Variants in GARRE1 observed in about 807,000 individuals in gnomAD.
The protein encoded by GARRE1 is granule associated Rac and RHOG effector 1, also known as granule associated Rac and RHOG effector protein 1.
Under a neutral mutation model 103.2 loss-of-function variants are expected in GARRE1, and 49 were observed. The observed-to-expected ratio is 0.47, with a 90% CI of 0.38 to 0.60. GARRE1 has a LOEUF of 0.60. Ranked by LOEUF, GARRE1 falls within the 20% of genes least tolerant of loss-of-function variation. The pLI is 0.00. For synonymous variants in GARRE1, 505 were observed against 532.8 expected, an observed-to-expected ratio of 0.95 and a Z score of 0.72; for missense variants, 1,199 against 1,370.5, an observed-to-expected ratio of 0.87 and a Z score of 1.98.
chr19:34,276,872 T>G (rs2073820278), intron 1 of GARRE1, among the ~76,000 whole-genome samples: 1 of 151,946 alleles, frequency 6.6e-6, no homozygotes, highest in Non-Finnish European at 1.5e-5. Flanking sequence ...ATTGCTGTCT[T>G]TAGGAGCTTA....
chr19:34,335,454 A>G (rs2074156475), intron 8 of GARRE1, among the ~76,000 whole-genome samples: 2 of 152,254 alleles, frequency 1.3e-5, no homozygotes. Flanking sequence ...ATACTAAGGA[A>G]CAAAGAGGTG....
chr19:34,268,843 G>GT lies in GARRE1; in HGVS notation c.-796+14232dup, dbSNP rs1340569017. Among the ~76,000 whole-genome samples the GT allele has an allele frequency of 2.0e-5, 3 of 151,986 alleles. No homozygotes were observed. The East Asian group carries it at 5.8e-4, about 29-fold the overall frequency. On this transcript the variant is annotated intron_variant, in intron 1 of 13. Coordinates refer to ENST00000299505, the MANE Select transcript of GARRE1 (RefSeq NM_014686.5). The stretch of plus-strand genomic sequence containing the variant: ...ATTGAATATGTGGTGATTACTACCC[G>GT]TTTCATTTACTTTTTTACTTATTAA...
chr19:34,339,547 A>G (rs370424743), intron 8 of GARRE1, among the ~76,000 whole-genome samples: 35 of 152,314 alleles, frequency 2.3e-4, no homozygotes, highest in Middle Eastern at 3.4e-3. Flanking sequence ...TCATCATATA[A>G]GCAAGTCATC....
chr19:34,305,108 G>A (rs923532719), intron 2 of GARRE1, among the ~76,000 whole-genome samples: 22 of 152,150 alleles, frequency 1.4e-4, no homozygotes, highest in Admixed American at 1.4e-3. Context: ...TCATAATTTT[G>A]TTTAAAAATT....
At chr19:34,298,707 C>CA (rs1001871214) in intron 1 of GARRE1, among the ~76,000 whole-genome samples, 19 of 148,998 alleles carry the variant, frequency 1.3e-4, no homozygotes, top group South Asian at 2.2e-4. Flanking sequence ...GACTCCATCT[C>CA]AAAAAAAATA....
At chr19:34,340,813 CA>C (rs1053352893) in intron 9 of GARRE1, among the ~76,000 whole-genome samples, 2 of 152,190 alleles carry the variant, frequency 1.3e-5, no homozygotes, top group Non-Finnish European at 2.9e-5. Flanking sequence ...CCACCATGCC[CA>C]ACCTTTTCTC....
chr19:34,328,087 G>A lies in GARRE1; in HGVS notation c.1040G>A (p.Gly347Glu). The change falls in exon 6 of 14, where the codon GGA becomes GAA. Residue 347 changes from glycine (G) to glutamate (E), a missense_variant. Physicochemically the swap from Gly to Glu is moderately conservative, Grantham distance 98. Transcript: ENST00000299505. ...CELPTVPVQI[G>E]SHFLKGVSFN... ...CTCCCCACCGTCCCTGTGCAGATAG[G>A]ATCGCACTTCCTGAAGGGCGTCTCC... 2 of 1,614,186 alleles carry A rather than the reference G, an allele frequency of 1.2e-6. No homozygotes were observed. Among genetic ancestry groups the A allele is most frequent in the Non-Finnish European group, 8.5e-7 (1 of 1,180,036 alleles).
At chr19:34,292,728 C>A (rs1356915169) in intron 1 of GARRE1, among the ~76,000 whole-genome samples, 2 of 144,012 alleles carry the variant, frequency 1.4e-5, no homozygotes, top group African/African-American at 5.2e-5. Context: ...GCATGTGCCA[C>A]CACACCCAGC....
chr19:34,254,744 C>T (rs1251575178), intron 1 of GARRE1, 130 bp downstream of exon 1: 2 of 147,718 alleles, frequency 1.4e-5, no homozygotes, highest in Non-Finnish European at 3.0e-5. Context: ...CCGCTCCGCT[C>T]GGGGCCGCAG....
intron 3 of GARRE1, among the ~76,000 whole-genome samples, chr19:34,324,084 GGC>G (rs1352000954): frequency 6.6e-6 from 1 of 152,074 alleles, no homozygotes; most frequent in African/African-American, 2.4e-5. Flanking sequence ...GCCCCGTGCT[GGC>G]CTTGCCCCCA....
rs544042338 is a variant in GARRE1 at position 34,265,267 on chromosome 19, C to G, written c.-796+10653C>G. Among the ~76,000 whole-genome samples the G allele has an allele frequency of 3.3e-5, 5 of 152,296 alleles. No homozygotes were observed. The South Asian group carries it at 1.0e-3, about 32-fold the overall frequency. On this transcript the variant is annotated intron_variant, in intron 1 of 13. Coordinates refer to ENST00000299505, the MANE Select transcript of GARRE1 (RefSeq NM_014686.5). ...TCATGGGAACAGAGTTTGGGGAAAG[C>G]TGGCTTGGCTCCCAGACTTGGGTGC...
At chr19:34,321,050 CTTTTTTTTTTT>C (rs33942697) in intron 3 of GARRE1, among the ~76,000 whole-genome samples, 2 of 55,734 alleles carry the variant, frequency 3.6e-5, no homozygotes, top group Non-Finnish European at 5.7e-5. Flanking sequence ...AGACAAGATT[CTTTTTTTTTTT>C]TTTTTTTTTT....
At chr19:34,286,178 CAAA>C (rs1293688223) in intron 1 of GARRE1, among the ~76,000 whole-genome samples, 4 of 151,904 alleles carry the variant, frequency 2.6e-5, no homozygotes, top group Admixed American at 2.6e-4. Context: ...CAAAACAAAA[CAAA>C]AAAACTTATT....
intron 10 of GARRE1, among the ~76,000 whole-genome samples, chr19:34,344,125 A>T (rs1021884702): frequency 7.9e-5 from 12 of 152,238 alleles, no homozygotes; most frequent in Non-Finnish European, 4.4e-5. Context: ...CACAAAAAAA[A>T]CCATCTAAAA....
intron 9 of GARRE1, among the ~76,000 whole-genome samples, chr19:34,341,058 G>A (rs1166591396): frequency 1.3e-5 from 2 of 152,188 alleles, no homozygotes; most frequent in Non-Finnish European, 2.9e-5. Context: ...TTGTGGAGTT[G>A]TCCATTGTCC....
chr19:34,283,604 G>C (rs1271794423), intron 1 of GARRE1, among the ~76,000 whole-genome samples: 1 of 152,094 alleles, frequency 6.6e-6, no homozygotes, highest in South Asian at 2.1e-4. Flanking sequence ...GCAGAGAGAG[G>C]TTAAGGAACT....
Position 34,353,744 on chromosome 19 carries a change from C to T in GARRE1, c.*789C>T, listed in dbSNP as rs568031881. The T allele has an allele frequency of 6.6e-6, 1 of 152,360 alleles. No homozygotes were observed. The highest frequency in any genetic ancestry group is 2.1e-4 in the South Asian group (1 of 4,834). The allele number at this position is 152,360 out of a possible 1,614,324, so 9.4% of individuals were successfully genotyped here. A position where few individuals can be genotyped will look rare whatever the true frequency, so the allele number is the denominator to read the frequency against. On this transcript the variant is annotated 3_prime_UTR_variant, in exon 14 of 14. Transcript: ENST00000299505. ...AGCCAGCTGCTGTCCATGTGCAGAG[C>T]AAGGCTGCACCTGCTGCCCTTCGAT...
At chr19:34,273,377 G>A (rs2073799267) in intron 1 of GARRE1, among the ~76,000 whole-genome samples, 1 of 152,124 alleles carries the variant, frequency 6.6e-6, no homozygotes, top group Non-Finnish European at 1.5e-5. Context: ...GTACTTATGT[G>A]GACGTGGCAT....
In GARRE1 at chr19:34,320,015, G is replaced by C; in HGVS notation, c.604G>C (p.Val202Leu). 6.2e-7 allele frequency: 1 copy of C among 1,614,184 alleles called. No individual in the cohort carries two copies. Among genetic ancestry groups the C allele is most frequent in the Non-Finnish European group, 8.5e-7 (1 of 1,180,032 alleles). The change falls in exon 3 of 14, where the codon GTG (valine) becomes CTG (leucine). Residue 202 changes from valine to leucine, a missense_variant. Physicochemically the swap from Val to Leu is conservative, Grantham distance 32 (BLOSUM62 1). Transcript: ENST00000299505. ...VAHSCFAEVI[V>L]PEKKNSGSGG... is the part of the protein sequence containing the mutation. ...TCACTCTTGCTTTGCTGAGGTCATC[G>C]TGCCAGAAAAAAAGAACAGCGGCAG...
Sources: allele counts gnomAD v4.1 joint callset (sites outside exome capture counted in the v4.1 genomes callset), GRCh38; gene constraint gnomAD v4.1.1; transcripts MANE v1.5; gene names NCBI Gene and HGNC (gene_info 2026-07-23, HGNC 2026-07-21).